PIN4: variants seen among roughly 807,000 people sequenced by gnomAD.
The protein encoded by PIN4 is peptidylprolyl cis/trans isomerase, NIMA-interacting 4.
PIN4 carries 3 observed loss-of-function variants against 8.3 expected under a neutral mutation model. The ratio of observed to expected loss-of-function variants is 0.36; its 90% CI spans 0.16 to 0.93. PIN4 has a LOEUF of 0.93. Ranked by LOEUF, PIN4 falls within the 40% of genes least tolerant of loss-of-function variation. The probability of loss-of-function intolerance (pLI) is 0.44; values close to 1 mark genes in which losing one functional copy is unlikely to be tolerated. For missense variants in PIN4, 75 were observed against 100.6 expected (o/e 0.75, Z 1.09); for synonymous variants, 18 against 32.5 (o/e 0.55, Z 1.52).
chrX:72,253,640 AAAAAG>A (rs966598193), intron 3 of PIN4, among the ~76,000 whole-genome samples: 1 of 108,632 alleles, frequency 9.2e-6, no homozygotes, highest in African/African-American at 3.4e-5. Context: ...AAGAAAAAGA[AAAAAG>A]AAAATCAACG....
Position 72,238,948 on chromosome X carries a change from T to TTTGGAGC in PIN4, c.313-23728_313-23722dup, listed in dbSNP as rs749542997. ...TGGGTTCCAGTTACCCCGGCGGGAGTTTGGAGCTTGGAGCTTGGAGCTTGG... is the reference window on the plus strand; with the variant it reads ...TGGGTTCCAGTTACCCCGGCGGGAGTTTGGAGCTTGGAGCTTGGAGCTTGGAGCTTGG... On this transcript the variant is annotated intron_variant, in intron 3 of 3. Coordinates refer to the PIN4 transcript ENST00000423432. 8,432 of 1,113,234 alleles carry TTTGGAGC rather than the reference T, an allele frequency of 7.6e-3. 102 individuals are homozygous for TTTGGAGC. The highest frequency in any genetic ancestry group is 0.028 in the African/African-American group (1,511 of 54,923). 91.7% of individuals were successfully genotyped at this position (1,113,234 alleles called of 1,213,427 possible). A position where few individuals can be genotyped will look rare whatever the true frequency, so the allele number is the denominator to read the frequency against.
chrX:72,182,539 G>T (rs1466915809), intron 1 of PIN4, among the ~76,000 whole-genome samples: 7 of 107,941 alleles, frequency 6.5e-5, no homozygotes, highest in Non-Finnish European at 1.1e-4. Flanking sequence ...GCGAGCCTCT[G>T]TCTCAAAAAA....
chrX:72,232,638 G>A (rs1312341295), intron 3 of PIN4, among the ~76,000 whole-genome samples: 8 of 110,703 alleles, frequency 7.2e-5, no homozygotes, highest in Admixed American at 5.8e-4. Flanking sequence ...ACGAAACCCC[G>A]TTTCTACTAA....
chrX:72,237,430 C>T (rs192691509), intron 3 of PIN4, among the ~76,000 whole-genome samples: 141 of 110,673 alleles, frequency 1.3e-3, no homozygotes, highest in African/African-American at 4.6e-3. Flanking sequence ...AACCCCGTCT[C>T]TACCAAAAAT....
At chrX:72,238,699 C>T in intron 3 of PIN4, 1 of 501,966 alleles carries the variant, frequency 2.0e-6, no homozygotes, top group South Asian at 3.3e-5. Flanking sequence ...AGCTGACTCC[C>T]ACACCCTACT....
chrX:72,220,874 A>T, intron 3 of PIN4, among the ~76,000 whole-genome samples: 1 of 111,675 alleles, frequency 9.0e-6, no homozygotes, highest in Non-Finnish European at 1.9e-5. Context: ...CTCTTTCTTT[A>T]ACTCTTATAT....
chrX:72,214,527 G>A (rs750699312), intron 3 of PIN4, among the ~76,000 whole-genome samples: 4 of 109,895 alleles, frequency 3.6e-5, no homozygotes, highest in African/African-American at 9.9e-5. Context: ...ACAAAAATTA[G>A]CCAGGCATGG....
chrX:72,254,307 T>C (rs2043100215), intron 3 of PIN4, among the ~76,000 whole-genome samples: 1 of 111,905 alleles, frequency 8.9e-6, no homozygotes, highest in African/African-American at 3.3e-5. Flanking sequence ...TGGCTCCTTC[T>C]TATCATTCAG....
intron 3 of PIN4, among the ~76,000 whole-genome samples, chrX:72,260,206 C>G (rs1372087261): frequency 1.8e-5 from 2 of 112,398 alleles, no homozygotes; most frequent in Admixed American, 1.9e-4. Context: ...AGCCCCAAGT[C>G]TTCATCCTAG....
chrX:72,241,818 A>AAG (rs2043050337), intron 3 of PIN4, among the ~76,000 whole-genome samples: 1 of 45,856 alleles, frequency 2.2e-5, no homozygotes, highest in African/African-American at 2.2e-4. Flanking sequence ...ACTCCGTCTC[A>AAG]AAAAAAAAAA....
chrX:72,253,389 G>T (rs2043095555), intron 3 of PIN4, among the ~76,000 whole-genome samples: 1 of 112,207 alleles, frequency 8.9e-6, no homozygotes, highest in South Asian at 3.7e-4. Flanking sequence ...ACTTTGGGAG[G>T]CTGAGGCAGC....
In PIN4 at chrX:72,238,876, G is replaced by A. The variant is rs758000552; in HGVS notation, c.313-23831G>A. 1.8e-5 allele frequency: 22 copies of A among 1,196,217 alleles called. No individual in the cohort carries two copies. In the East Asian group the frequency reaches 6.1e-4, roughly 33 times the overall value. On this transcript the variant is annotated intron_variant, in intron 3 of 3. Transcript: ENST00000423432. ...AATGAGCAGCCTGCTCTGGGCTCAA[G>A]GCCTCGGCTTCCGGAAACCTTCGGG...
At chrX:72,218,515 CAA>C (rs1173329861) in intron 3 of PIN4, among the ~76,000 whole-genome samples, 43 of 95,245 alleles carry the variant, frequency 4.5e-4, no homozygotes, top group Admixed American at 5.9e-4. Context: ...TTTTTGGAAA[CAA>C]GAGTCTCGCT....
chrX:72,196,622 A>G (rs1355572708), intron 2 of PIN4, among the ~76,000 whole-genome samples, 163 bp from the exon 3 acceptor site: 1 of 110,633 alleles, frequency 9.0e-6, no homozygotes, highest in East Asian at 2.8e-4. Flanking sequence ...AATATGGGGA[A>G]TGGGATTGTG....
intron 2 of PIN4, among the ~76,000 whole-genome samples, chrX:72,189,928 C>G (rs2042723191): frequency 9.0e-6 from 1 of 110,867 alleles, no homozygotes; most frequent in Non-Finnish European, 1.9e-5. Flanking sequence ...CTTTCACATT[C>G]TGTCATTCTG....
In PIN4 at chrX:72,188,556, A is replaced by G. The variant is rs190415117; in HGVS notation, c.117+2022A>G. ...GTATTTTTAGTAGAGATGAGGTTTCACCATGTTGGCCAGGCTGGTCTTGAA... is the reference window on the plus strand; with the variant it reads ...GTATTTTTAGTAGAGATGAGGTTTCGCCATGTTGGCCAGGCTGGTCTTGAA... On this transcript the variant is annotated intron_variant, in intron 2 of 3. Transcript: ENST00000373669. 9.3e-3 allele frequency among the ~76,000 whole-genome samples: 1,035 copies of G among 111,718 alleles called. 4 individuals are homozygous for G. The highest frequency in any genetic ancestry group is 0.028 in the Middle Eastern group (6 of 216).
intron 2 of PIN4, among the ~76,000 whole-genome samples, chrX:72,189,830 G>A (rs987369497): frequency 9.0e-6 from 1 of 111,334 alleles, no homozygotes; most frequent in African/African-American, 3.3e-5. Context: ...TTCACCTGTT[G>A]AAGGACAGCT....
chrX:72,215,379 T>G (rs1351019552), intron 3 of PIN4, among the ~76,000 whole-genome samples: 1 of 111,798 alleles, frequency 8.9e-6, no homozygotes, highest in African/African-American at 3.3e-5. Context: ...GTATGAAAAT[T>G]TTACTTTAAA....
chrX:72,257,430 G>A (rs753790333), intron 3 of PIN4, among the ~76,000 whole-genome samples: 6 of 111,545 alleles, frequency 5.4e-5, no homozygotes, highest in Non-Finnish European at 1.1e-4. Context: ...GGGGGAGGGC[G>A]TGATGGGCAG....
Sources: gnomAD v4.1 joint callset for allele counts (sites outside exome capture counted in the v4.1 genomes callset) on GRCh38, gnomAD v4.1.1 for gene constraint, MANE v1.5 for transcripts, NCBI Gene and HGNC (gene_info 2026-07-23, HGNC 2026-07-21) for gene names.